The following VPS13B variants were observed in gnomAD, a reference collection of about 807,000 sequenced individuals.
The protein encoded by VPS13B is vacuolar protein sorting 13 homolog B, also known as intermembrane lipid transfer protein VPS13B.
VPS13B carries 285 observed loss-of-function variants against 426.4 expected under a neutral mutation model. The observed-to-expected ratio is 0.67, with a 90% CI of 0.61 to 0.74. The LOEUF (loss-of-function observed/expected upper bound fraction) is 0.74. VPS13B is among the 30% of genes least tolerant of loss of function. The pLI is 0.00. For synonymous variants in VPS13B, 1,676 were observed against 1,676.4 expected (o/e 1.00, Z 0.01); for missense variants, 4,537 against 4,782.6 (o/e 0.95, Z 1.51).
chr8:99,546,110 A>G (rs1237460840), intron 30 of VPS13B, among the ~76,000 whole-genome samples: 1 of 152,054 alleles, frequency 6.6e-6, no homozygotes, highest in African/African-American at 2.4e-5. Context: ...AAGTTTGAGA[A>G]TACTAACTTC....
At chr8:99,833,188 A>G (rs1563498326) in intron 52 of VPS13B, among the ~76,000 whole-genome samples, 1 of 152,188 alleles carries the variant, frequency 6.6e-6, no homozygotes, top group Non-Finnish European at 1.5e-5. Flanking sequence ...CCTGCACGCA[A>G]GTTGCTCCAA....
intron 25 of VPS13B, among the ~76,000 whole-genome samples, chr8:99,489,683 C>T (rs1820498090): frequency 6.6e-6 from 1 of 152,098 alleles, no homozygotes. Context: ...TGGGAGTTCA[C>T]TCATGATTTG....
chr8:99,155,206 A>C (rs1330691440), intron 14 of VPS13B, among the ~76,000 whole-genome samples: 1 of 152,144 alleles, frequency 6.6e-6, no homozygotes, highest in African/African-American at 2.4e-5. Flanking sequence ...CTAAGAGATA[A>C]AGTAGATTTT....
At chr8:99,505,450 T>C (rs533975115) in intron 27 of VPS13B, among the ~76,000 whole-genome samples, 1 of 152,286 alleles carries the variant, frequency 6.6e-6, no homozygotes, top group East Asian at 1.9e-4. Flanking sequence ...ATTGGCTTCA[T>C]TTCAATATTG....
chr8:99,074,544 TATG>T (rs1180367057), intron 3 of VPS13B, among the ~76,000 whole-genome samples: 1 of 152,114 alleles, frequency 6.6e-6, no homozygotes, highest in Admixed American at 6.5e-5. Flanking sequence ...TATAGTATAT[TATG>T]ATGCTTATTT....
intron 15 of VPS13B, among the ~76,000 whole-genome samples, chr8:99,159,692 CT>C (rs1460240695): frequency 6.6e-6 from 1 of 150,710 alleles, no homozygotes; most frequent in Non-Finnish European, 1.5e-5. Flanking sequence ...CAGAGTCTTA[CT>C]CTGTCACCCA....
intron 23 of VPS13B, among the ~76,000 whole-genome samples, chr8:99,450,786 A>G (rs555933031): frequency 1.3e-5 from 2 of 152,124 alleles, no homozygotes; most frequent in East Asian, 1.9e-4. Flanking sequence ...ATTTTTCTCT[A>G]TCTTTAGAAT....
intron 31 of VPS13B, among the ~76,000 whole-genome samples, chr8:99,573,693 G>T (rs1825611276): frequency 1.3e-5 from 2 of 152,142 alleles, no homozygotes; most frequent in Admixed American, 1.3e-4. Context: ...TGCTGTTTTG[G>T]TTACTATAGC....
chr8:99,763,396 C>T (rs1315903926), intron 39 of VPS13B, among the ~76,000 whole-genome samples: 1 of 152,010 alleles, frequency 6.6e-6, no homozygotes, highest in Non-Finnish European at 1.5e-5. Flanking sequence ...TTCACTATCC[C>T]AGGTGCTGTG....
At chr8:99,071,579 CTGT>C (rs1295980280) in intron 3 of VPS13B, among the ~76,000 whole-genome samples, 1 of 152,140 alleles carries the variant, frequency 6.6e-6, no homozygotes, top group African/African-American at 2.4e-5. Flanking sequence ...TGTGTGGCTA[CTGT>C]TGTTGTTCAT....
intron 31 of VPS13B, among the ~76,000 whole-genome samples, chr8:99,558,276 C>T (rs1295088302): frequency 6.6e-6 from 1 of 152,108 alleles, no homozygotes; most frequent in Non-Finnish European, 1.5e-5. Context: ...AAAAACCAAA[C>T]AGTAAAATAT....
chr8:99,334,540 T>C, intron 19 of VPS13B, among the ~76,000 whole-genome samples: 1 of 152,140 alleles, frequency 6.6e-6, no homozygotes, highest in Admixed American at 6.6e-5. Context: ...CAATACCTAA[T>C]TTATTGAGAG....
chr8:99,601,793 G>A (rs1384200510), intron 33 of VPS13B, among the ~76,000 whole-genome samples: 3 of 152,178 alleles, frequency 2.0e-5, no homozygotes, highest in Admixed American at 1.3e-4. Context: ...CTGCATAAAC[G>A]TCTTCTTTTG....
At chr8:99,448,121 TTTTATTTATTTATTTATTTA>T (rs149574664) in intron 23 of VPS13B, among the ~76,000 whole-genome samples, 3 of 141,788 alleles carry the variant, frequency 2.1e-5, no homozygotes, top group Non-Finnish European at 3.1e-5. Flanking sequence ...GTGGTTTTAT[TTTTATTTATTTATTTATTTA>T]TTTATTTATT....
chr8:99,686,410 T>G (rs1831404328), intron 35 of VPS13B, among the ~76,000 whole-genome samples: 1 of 150,748 alleles, frequency 6.6e-6, no homozygotes, highest in African/African-American at 2.5e-5. Context: ...CTCTATAACC[T>G]GCCAGGCTTG....
intron 17 of VPS13B, chr8:99,233,990 A>G: frequency 1.3e-6 from 1 of 776,384 alleles, no homozygotes. Context: ...CTGCTCAGTG[A>G]TGTTCACTAT....
intron 39 of VPS13B, among the ~76,000 whole-genome samples, chr8:99,765,879 A>C (rs1188608101): frequency 6.6e-6 from 1 of 152,106 alleles, no homozygotes; most frequent in East Asian, 1.9e-4. Context: ...ATAACATTTT[A>C]AAAATATTAA....
chr8:99,730,231 A>G (rs1833537004), intron 39 of VPS13B, among the ~76,000 whole-genome samples: 1 of 152,196 alleles, frequency 6.6e-6, no homozygotes, highest in Non-Finnish European at 1.5e-5. Flanking sequence ...TCAAAGCCAG[A>G]TATGAAATTC....
intron 22 of VPS13B, among the ~76,000 whole-genome samples, chr8:99,437,413 A>T (rs80306204): frequency 2.0e-5 from 3 of 146,638 alleles, no homozygotes; most frequent in African/African-American, 5.4e-5. Flanking sequence ...TTAAAAAAAA[A>T]TATATATATA....
Sources: gnomAD v4.1 joint callset for allele counts (sites outside exome capture counted in the v4.1 genomes callset) on GRCh38, gnomAD v4.1.1 for gene constraint, MANE v1.5 for transcripts, NCBI Gene and HGNC (gene_info 2026-07-23, HGNC 2026-07-21) for gene names.